OSTC: variants seen among roughly 807,000 people sequenced by gnomAD.
OSTC encodes oligosaccharyltransferase complex subunit OSTC.
In OSTC, 16 loss-of-function variants were observed where a neutral mutation model predicts 16.4. The ratio of observed to expected loss-of-function variants is 0.98; its 90% CI spans 0.66 to 1.49. The LOEUF is 1.49. OSTC is among the 40% of genes most tolerant of loss of function. OSTC has a pLI of 0.00. For missense variants in OSTC, 139 were observed against 186.3 expected, an observed-to-expected ratio of 0.75 and a Z score of 1.48; for synonymous variants, 67 against 68.5, an observed-to-expected ratio of 0.98 and a Z score of 0.11.
intron 3 of OSTC, among the ~76,000 whole-genome samples, chr4:108,662,565 G>A (rs527237344): frequency 6.6e-6 from 1 of 152,300 alleles, no homozygotes; most frequent in East Asian, 1.9e-4. Context: ...ATGGTGATCA[G>A]TATATACCTA....
chr4:108,657,917 C>CTTTTTTTTTTTTTTTTTTTT (rs70949037), intron 3 of OSTC, among the ~76,000 whole-genome samples: 2 of 67,202 alleles, frequency 3.0e-5, no homozygotes, highest in African/African-American at 1.2e-4. Context: ...GTCATTGTTT[C>CTTTTTTTTTTTTTTTTTTTT]TTTTTTTTTT....
At chr4:108,658,191 C>T (rs1726761968) in intron 3 of OSTC, among the ~76,000 whole-genome samples, 1 of 152,000 alleles carries the variant, frequency 6.6e-6, no homozygotes, top group Non-Finnish European at 1.5e-5. Flanking sequence ...CTCGGCCTTC[C>T]AAAGTGCTGG....
At chr4:108,664,266 C>A (rs1415398110) in intron 3 of OSTC, among the ~76,000 whole-genome samples, 4 of 149,216 alleles carry the variant, frequency 2.7e-5, no homozygotes, top group African/African-American at 1.0e-4. Flanking sequence ...CCACTAGTTA[C>A]AAGGAAGGAT....
At chr4:108,667,078 G>C (rs1029330825) in intron 3 of OSTC, among the ~76,000 whole-genome samples, 169 bp from the exon 4 acceptor site, 3 of 152,004 alleles carry the variant, frequency 2.0e-5, no homozygotes, top group Non-Finnish European at 4.4e-5. Context: ...TTGGGGTGAG[G>C]GGGGCAAAAT....
chr4:108,658,424 T>TA (rs1726766918), intron 3 of OSTC, among the ~76,000 whole-genome samples: 14 of 87,114 alleles, frequency 1.6e-4, no homozygotes, highest in African/African-American at 2.9e-4. Context: ...TATTTATATA[T>TA]TTGTGTGTGT....
chr4:108,655,392 G>A (rs575840352), intron 1 of OSTC, among the ~76,000 whole-genome samples, 172 bp from the exon 2 acceptor site: 2 of 152,250 alleles, frequency 1.3e-5, no homozygotes, highest in African/African-American at 4.8e-5. Flanking sequence ...CTTCAACTTG[G>A]GTGGCGGAGT....
At chr4:108,656,823 G>A (rs1726717132) in intron 2 of OSTC, among the ~76,000 whole-genome samples, 1 of 152,238 alleles carries the variant, frequency 6.6e-6, no homozygotes, top group East Asian at 1.9e-4. Flanking sequence ...ACCTAGACCG[G>A]GCGCAGTGGC....
At chr4:108,658,093 A>C (rs948232385) in intron 3 of OSTC, among the ~76,000 whole-genome samples, 6 of 151,760 alleles carry the variant, frequency 4.0e-5, no homozygotes, top group African/African-American at 1.2e-4. Flanking sequence ...CACAGCACTC[A>C]GCTATTTTTT....
chr4:108,666,711 C>CAAA lies in OSTC; in HGVS notation c.432-522_432-520dup, dbSNP rs34702666. Among the ~76,000 whole-genome samples the CAAA allele has an allele frequency of 3.9e-3, 401 of 102,026 alleles. 39 individuals carry two copies. Among genetic ancestry groups the CAAA allele is most frequent in the South Asian group, 0.033 (101 of 3,034 alleles). The allele number at this position is 102,026 out of a possible 152,430, so 66.9% of individuals were successfully genotyped here. Reference sequence around the variant, plus strand: ...GGGCAACAAGAGCAAAACTCCATCTCAAAAAAAAAAAAAAAACTTTGCCGG... The same window carrying CAAA: ...GGGCAACAAGAGCAAAACTCCATCTCAAAAAAAAAAAAAAAAAAACTTTGCCGG... On this transcript the variant is annotated intron_variant, in intron 3 of 3. Transcript: ENST00000361564.
chr4:108,661,542 T>C (rs1726858611), intron 3 of OSTC, among the ~76,000 whole-genome samples: 1 of 152,212 alleles, frequency 6.6e-6, no homozygotes, highest in South Asian at 2.1e-4. Context: ...CATTAGATTG[T>C]CTTTAGCCTC....
chr4:108,665,801 A>C (rs1298750180), intron 3 of OSTC, among the ~76,000 whole-genome samples: 1 of 151,592 alleles, frequency 6.6e-6, no homozygotes, highest in Non-Finnish European at 1.5e-5. Context: ...CTGGTGCTCC[A>C]CCTACCTCGG....
intron 1 of OSTC, among the ~76,000 whole-genome samples, chr4:108,653,165 C>A (rs528552150): frequency 5.9e-5 from 9 of 152,284 alleles, no homozygotes; most frequent in African/African-American, 2.2e-4. Context: ...GCTGAGGCTG[C>A]AGTAAGCTGT....
chr4:108,650,626 A>T lies in OSTC; in HGVS notation c.-30A>T. 1 of 1,611,044 alleles carries T rather than the reference A, an allele frequency of 6.2e-7. No individual in the cohort carries two copies. The highest frequency in any genetic ancestry group is 8.5e-7 in the Non-Finnish European group (1 of 1,178,036). ...GTTTCCGGGAGGCGCGTGGGGCTTG[A>T]GGCCGAGAACGGCCCTTGCTGCCAC... On this transcript the variant is annotated 5_prime_UTR_variant, in exon 1 of 4. Transcript: ENST00000361564.
At chr4:108,666,575 G>T (rs551857481) in intron 3 of OSTC, among the ~76,000 whole-genome samples, 2 of 152,182 alleles carry the variant, frequency 1.3e-5, no homozygotes, top group Admixed American at 1.3e-4. Flanking sequence ...GCTGGGCGTG[G>T]TGGCGGTCAC....
chr4:108,657,704 GA>G, intron 3 of OSTC, 57 bp downstream of exon 3: 1 of 1,439,898 alleles, frequency 6.9e-7, no homozygotes, highest in Non-Finnish European at 9.6e-7. Context: ...TGATTACCTG[GA>G]AAATGTAAAG....
At chr4:108,662,378 G>C (rs1726878663) in intron 3 of OSTC, among the ~76,000 whole-genome samples, 3 of 152,118 alleles carry the variant, frequency 2.0e-5, no homozygotes, top group Non-Finnish European at 4.4e-5. Context: ...CGTTTGTTGT[G>C]TTGTATTACA....
intron 3 of OSTC, among the ~76,000 whole-genome samples, chr4:108,666,752 T>C (rs184645886): frequency 0.012 from 1,630 of 141,358 alleles, 66 homozygotes; most frequent in Non-Finnish European, 0.02. Flanking sequence ...ACGCGTGTAA[T>C]CCCAGCACTT....
At chr4:108,651,450 A>T (rs1053894070) in intron 1 of OSTC, 8 of 152,406 alleles carry the variant, frequency 5.2e-5, no homozygotes, top group Non-Finnish European at 1.0e-4. Flanking sequence ...AGAATTAAAA[A>T]AATAAGATAA....
At chr4:108,657,792 G>T (rs1726748572) in intron 3 of OSTC, 145 bp downstream of exon 3, 1 of 714,700 alleles carries the variant, frequency 1.4e-6, no homozygotes. Flanking sequence ...ACTTGGTCAG[G>T]TTACAGCTAT....
Sources: gnomAD v4.1 joint callset for allele counts (sites outside exome capture counted in the v4.1 genomes callset) on GRCh38, gnomAD v4.1.1 for gene constraint, MANE v1.5 for transcripts, NCBI Gene and HGNC (gene_info 2026-07-23, HGNC 2026-07-21) for gene names.